Variants in PDZRN4 observed in about 807,000 individuals in gnomAD.
PDZRN4 encodes the protein PDZ domain-containing RING finger protein 4.
Under a neutral mutation model 99.0 loss-of-function variants are expected in PDZRN4, and 70 were observed. The ratio of observed to expected loss-of-function variants is 0.71; its 90% CI spans 0.58 to 0.86. The LOEUF is 0.86. PDZRN4 is among the 40% of genes least tolerant of loss of function. The pLI, the probability that PDZRN4 is intolerant of heterozygous loss-of-function variation, is 0.00. For missense variants in PDZRN4, 1,474 were observed against 1,331.2 expected, an observed-to-expected ratio of 1.11 and a Z score of -1.67; for synonymous variants, 551 against 501.6, an observed-to-expected ratio of 1.10 and a Z score of -1.32.
intron 8 of PDZRN4, among the ~76,000 whole-genome samples, chr12:41,565,985 C>T (rs1007861002): frequency 6.6e-6 from 1 of 152,080 alleles, no homozygotes; most frequent in African/African-American, 2.4e-5. Flanking sequence ...AGACTCAGAC[C>T]ATAGTGAATG....
At position 41,563,547 on chromosome 12, in the gene PDZRN4, G is replaced by C; in HGVS notation, c.1366-1G>C. The C allele has an allele frequency of 6.2e-7, 1 of 1,609,430 alleles. No individual in the cohort carries two copies. Among genetic ancestry groups the C allele is most frequent in the Non-Finnish European group, 8.5e-7 (1 of 1,175,926 alleles). On this transcript the variant is annotated splice_acceptor_variant, in intron 7 of 9. Transcript: ENST00000402685. LOFTEE classifies it high-confidence loss of function. ...ATGTGCCACTCTCATTTGTTTTCTA[G>C]ATAAATGGGGAAGATGTCCAGAATC... is the stretch of plus-strand genomic sequence containing the variant.
chr12:41,262,267 T>A (rs1406874155), intron 3 of PDZRN4, among the ~76,000 whole-genome samples: 1 of 152,198 alleles, frequency 6.6e-6, no homozygotes, highest in African/African-American at 2.4e-5. Context: ...CCACAATCTG[T>A]CTACGGCCAT....
intron 3 of PDZRN4, among the ~76,000 whole-genome samples, chr12:41,201,776 T>A (rs1402354216): frequency 6.6e-6 from 1 of 152,126 alleles, no homozygotes; most frequent in East Asian, 1.9e-4. Flanking sequence ...GTTTCTTAAG[T>A]TGTAAGATCT....
chr12:41,357,100 C>T (rs1951933101), intron 3 of PDZRN4, among the ~76,000 whole-genome samples: 1 of 151,824 alleles, frequency 6.6e-6, no homozygotes, highest in Admixed American at 6.6e-5. Flanking sequence ...TTAATTCTGG[C>T]TCCAAAATCT....
chr12:41,530,297 G>T (rs1326551571), intron 5 of PDZRN4, among the ~76,000 whole-genome samples: 1 of 152,036 alleles, frequency 6.6e-6, no homozygotes, highest in Non-Finnish European at 1.5e-5. Flanking sequence ...CTTTATAATT[G>T]TGCCACATAA....
At position 41,396,079 on chromosome 12, in the gene PDZRN4, G is replaced by A. The variant is rs12302081; in HGVS notation, c.844-110377G>A. ...ATTCTGCTGCATTTTACTATAAACA[G>A]CAAAAAGAACCCAGAAAGCGACTTT... On this transcript the variant is annotated intron_variant, in intron 3 of 9. Transcript: ENST00000402685. Among the ~76,000 whole-genome samples the A allele has an allele frequency of 5.4e-3, 820 of 152,100 alleles. 11 individuals are homozygous for A. Among genetic ancestry groups the A allele is most frequent in the African/African-American group, 0.019 (780 of 41,504 alleles).
chr12:41,204,634 A>C (rs1164520057), intron 3 of PDZRN4, among the ~76,000 whole-genome samples: 1 of 151,974 alleles, frequency 6.6e-6, no homozygotes, highest in African/African-American at 2.4e-5. Context: ...CACTTATAAA[A>C]CCATCAGATC....
intron 3 of PDZRN4, among the ~76,000 whole-genome samples, chr12:41,397,653 A>G (rs765285035): frequency 2.0e-5 from 3 of 152,146 alleles, no homozygotes; most frequent in Admixed American, 6.6e-5. Flanking sequence ...AAATCCAGAG[A>G]AATTTTAAGA....
chr12:41,507,955 T>A lies in PDZRN4; in HGVS notation c.1100+1243T>A, dbSNP rs538913302. On this transcript the variant is annotated intron_variant, in intron 4 of 9. Transcript: ENST00000402685. The stretch of plus-strand genomic sequence containing the variant: ...AAAGCAAGGAAACAAATATATAATA[T>A]TCATTAATACAGCCTAAAACATAGT... 3.9e-5 allele frequency among the ~76,000 whole-genome samples: 6 copies of A among 152,182 alleles called. No individual in the cohort carries two copies. In the South Asian group the frequency reaches 1.2e-3, roughly 32 times the overall value.
At position 41,458,084 on chromosome 12, in the gene PDZRN4, C is replaced by T. The variant is rs117919308; in HGVS notation, c.844-48372C>T. Among the ~76,000 whole-genome samples the T allele has an allele frequency of 2.8e-4, 43 of 152,214 alleles. No individual in the cohort carries two copies. The East Asian group carries it at 8.3e-3, about 29-fold the overall frequency. Reference sequence around the variant, plus strand: ...GACAGATGAGGGTGTAGCATTCTGGCTGTAAAGATGTTAAAAGCAGAGAGT... The same window carrying T: ...GACAGATGAGGGTGTAGCATTCTGGTTGTAAAGATGTTAAAAGCAGAGAGT... On this transcript the variant is annotated intron_variant, in intron 3 of 9. Transcript: ENST00000402685.
intron 3 of PDZRN4, among the ~76,000 whole-genome samples, chr12:41,489,281 C>T (rs1003371493): frequency 6.6e-6 from 1 of 151,972 alleles, no homozygotes; most frequent in Non-Finnish European, 1.5e-5. Flanking sequence ...GTGCTTCTGA[C>T]ATCTAGTGGG....
intron 5 of PDZRN4, among the ~76,000 whole-genome samples, chr12:41,526,356 C>G (rs1459047235): frequency 1.3e-5 from 2 of 152,196 alleles, no homozygotes; most frequent in East Asian, 3.8e-4. Context: ...CTCAGAGACT[C>G]TCTGGTTCAC....
Position 41,559,198 on chromosome 12 carries a change from CA to C in PDZRN4, c.1365+3439del, listed in dbSNP as rs1268445226. 9.2e-5 allele frequency among the ~76,000 whole-genome samples: 14 copies of C among 152,150 alleles called. No homozygotes were observed. The East Asian group carries it at 1.7e-3, about 19-fold the overall frequency. ...ACACACATACATACACACACACACA[CA>C]CACACACGTGCTGTCACACAAAGGG... On this transcript the variant is annotated intron_variant, in intron 7 of 9. Transcript: ENST00000402685.
At chr12:41,459,841 TG>T in intron 3 of PDZRN4, 2 of 796,490 alleles carry the variant, frequency 2.5e-6, no homozygotes, top group Non-Finnish European at 3.4e-6. Context: ...TCAGGGGTAT[TG>T]GGAAAAAATA....
chr12:41,243,667 A>G (rs1951114824), intron 3 of PDZRN4, among the ~76,000 whole-genome samples: 1 of 152,194 alleles, frequency 6.6e-6, no homozygotes, highest in Admixed American at 6.5e-5. Context: ...ATTATCTTTC[A>G]TACTTTAATT....
At chr12:41,534,743 T>A (rs1247575763) in intron 5 of PDZRN4, among the ~76,000 whole-genome samples, 1 of 152,210 alleles carries the variant, frequency 6.6e-6, no homozygotes, top group Non-Finnish European at 1.5e-5. Flanking sequence ...GGTTTGCAGA[T>A]GTTTTGTCTC....
intron 3 of PDZRN4, among the ~76,000 whole-genome samples, chr12:41,249,029 TA>T (rs1176312835): frequency 6.6e-6 from 1 of 152,184 alleles, no homozygotes; most frequent in African/African-American, 2.4e-5. Context: ...GTATTTATCT[TA>T]AATTACTCTG....
chr12:41,422,408 C>A (rs1592053681), intron 3 of PDZRN4, among the ~76,000 whole-genome samples: 1 of 152,212 alleles, frequency 6.6e-6, no homozygotes. Context: ...TATAGTAAAA[C>A]TCCACTAGAA....
chr12:41,534,375 C>T (rs949180300), intron 5 of PDZRN4, among the ~76,000 whole-genome samples: 2 of 151,962 alleles, frequency 1.3e-5, no homozygotes, highest in Non-Finnish European at 2.9e-5. Context: ...TTTGCTGCAC[C>T]TATCAACCCA....
Sources: allele counts gnomAD v4.1 joint callset (sites outside exome capture counted in the v4.1 genomes callset), GRCh38; gene constraint gnomAD v4.1.1; transcripts MANE v1.5; gene names NCBI Gene and HGNC (gene_info 2026-07-23, HGNC 2026-07-21).